PDLIM3: variants seen among roughly 807,000 people sequenced by gnomAD.
The protein encoded by PDLIM3 is PDZ and LIM domain 3.
A neutral mutation model predicts 37.3 loss-of-function variants in PDLIM3; 36 were observed. The observed-to-expected ratio is 0.97, with a 90% confidence interval of 0.74 to 1.28. The LOEUF (loss-of-function observed/expected upper bound fraction) is 1.28, where lower values mean the gene tolerates loss of function less well. Ranked by LOEUF, PDLIM3 falls within the 50% of genes most tolerant of loss-of-function variation. The pLI, the probability that PDLIM3 is intolerant of heterozygous loss-of-function variation, is 0.00. For missense variants in PDLIM3, 454 were observed against 485.0 expected (o/e 0.94, Z 0.60); for synonymous variants, 174 against 182.4 (o/e 0.95, Z 0.37).
At position 185,514,485 on chromosome 4, in the gene PDLIM3, T is replaced by A. The variant is rs1261600032; in HGVS notation, c.331-148A>T. ...AGGCGATGACGGGACCAGGACGATG[T>A]CTTCTTTCCAACCATCTATCCGCTA... On this transcript the variant is annotated intron_variant, in intron 3 of 7. Transcript: ENST00000284767. The surrounding 1 kb of genome is among the most constrained non-coding windows in gnomAD (Gnocchi z 4.0). 26 of 1,504,496 alleles carry A rather than the reference T, an allele frequency of 1.7e-5. No individual in the cohort carries two copies. The highest frequency in any genetic ancestry group is 2.4e-5 in the Non-Finnish European group (26 of 1,101,386). 93.2% of individuals were successfully genotyped at this position (1,504,496 alleles called of 1,614,324 possible).
At chr4:185,505,241 T>C (rs1181722730) in intron 6 of PDLIM3, among the ~76,000 whole-genome samples, 1 of 152,268 alleles carries the variant, frequency 6.6e-6, no homozygotes, top group East Asian at 1.9e-4. Flanking sequence ...ACTATTTCAT[T>C]GTATGTGTAT....
chr4:185,507,677 A>T (rs536037523), intron 5 of PDLIM3, among the ~76,000 whole-genome samples: 1 of 152,212 alleles, frequency 6.6e-6, no homozygotes, highest in Non-Finnish European at 1.5e-5. Flanking sequence ...TGGCAAAAGT[A>T]CTGTGAACAA....
chr4:185,503,224 AAAC>A (rs199557493), intron 7 of PDLIM3, among the ~76,000 whole-genome samples: 1,894 of 90,850 alleles, frequency 0.021, 45 homozygotes, highest in African/African-American at 0.055. Context: ...ACTGTCTCAA[AAAC>A]AACAACAACA....
chr4:185,526,989 A>C lies in PDLIM3; in HGVS notation c.94-1818T>G, dbSNP rs139300767. On this transcript the variant is annotated intron_variant, in intron 1 of 7. Coordinates refer to ENST00000284767, the MANE Select transcript of PDLIM3 (RefSeq NM_014476.6). Reference sequence around the variant, plus strand: ...TTTGTACTTTTATGTTTGTTTATTTACTCGTGTATTGTCTGTCTTCCCAAC... The same window carrying C: ...TTTGTACTTTTATGTTTGTTTATTTCCTCGTGTATTGTCTGTCTTCCCAAC... 1.6e-4 allele frequency among the ~76,000 whole-genome samples: 24 copies of C among 152,050 alleles called. No homozygotes were observed. In the East Asian group the frequency reaches 4.6e-3, roughly 29 times the overall value.
At position 185,514,313 on chromosome 4, in the gene PDLIM3, G is replaced by T; in HGVS notation, c.355C>A (p.His119Asn). 1 of 1,614,186 alleles carries T rather than the reference G, an allele frequency of 6.2e-7. No homozygotes were observed. The change falls in exon 4 of 8, where the codon CAT (histidine) becomes AAT (asparagine). Residue 119 changes from histidine to asparagine, a missense_variant. By Grantham distance (68) the His-to-Asn change is moderately conservative. Transcript: ENST00000284767. This position sits in a 1 kb window ranked among gnomAD's most constrained non-coding sequence, Gnocchi z 4.0. ...PQDGNYFEHKHNIRPKPFVIP... is the reference protein window; with the variant it reads ...PQDGNYFEHKNNIRPKPFVIP... Reference sequence around the variant, plus strand: ...ACGAAAGGTTTGGGCCGAATATTATGCTTGTGTTCAAAGTAGTTCCCGTCC... The same window carrying T: ...ACGAAAGGTTTGGGCCGAATATTATTCTTGTGTTCAAAGTAGTTCCCGTCC...
In PDLIM3 at chr4:185,514,312, T is replaced by C. The variant is rs1447945863; in HGVS notation, c.356A>G (p.His119Arg). The C allele has an allele frequency of 6.2e-7, 1 of 1,614,132 alleles. No individual in the cohort carries two copies. The highest frequency in any genetic ancestry group is 8.5e-7 in the Non-Finnish European group (1 of 1,180,042). The part of the protein sequence containing the change: ...PQDGNYFEHK[H>R]NIRPKPFVIP... ...CACGAAAGGTTTGGGCCGAATATTA[T>C]GCTTGTGTTCAAAGTAGTTCCCGTC... is the stretch of plus-strand genomic sequence containing the variant. The change falls in exon 4 of 8, where the codon CAT becomes CGT. Residue 119 changes from histidine to arginine, a missense_variant. Coordinates refer to ENST00000284767, the MANE Select transcript of PDLIM3 (RefSeq NM_014476.6). This position sits in a 1 kb window ranked among gnomAD's most constrained non-coding sequence, Gnocchi z 4.0.
At chr4:185,527,625 T>C (rs1449321201) in intron 1 of PDLIM3, among the ~76,000 whole-genome samples, 14 of 152,224 alleles carry the variant, frequency 9.2e-5, no homozygotes, top group Admixed American at 9.2e-4. Flanking sequence ...GAACTGTTAG[T>C]AGAACAAAAG....
Position 185,506,629 on chromosome 4 carries a change from G to A in PDLIM3, c.686C>T (p.Pro229Leu). Residue 229 changes from proline (P) to leucine (L), a missense_variant, in exon 6 of 8, where the codon CCC (proline) becomes CTC (leucine). Coordinates refer to ENST00000284767, the MANE Select transcript of PDLIM3 (RefSeq NM_014476.6). Reference protein sequence around the residue: ...LMSEPTASVPPESDVYRMLHD... With the variant: ...LMSEPTASVPLESDVYRMLHD... ...GAGCATCCGGTACACGTCCGACTCG[G>A]GGGGCACCGAGGCTGTGGGCTCGCT... 6.2e-7 allele frequency: 1 copy of A among 1,607,326 alleles called. No homozygotes were observed. Among genetic ancestry groups the A allele is most frequent in the African/African-American group, 1.3e-5 (1 of 75,036 alleles).
chr4:185,508,439 A>G lies in PDLIM3; in HGVS notation c.522T>C (p.Ile174=). Reference sequence around the variant, plus strand: ...CACCAGGAAGTTCCATTTCCAAAGGAATGTTAGGGGCCAGCTTAGCCGCAA... The same window carrying G: ...CACCAGGAAGTTCCATTTCCAAAGGGATGTTAGGGGCCAGCTTAGCCGCAA... ...LKVAAKLAPN[I]PLEMELPGVK... The change falls in exon 5 of 8, where the codon ATT becomes ATC. Residue 174 remains isoleucine, a synonymous_variant. Coordinates refer to ENST00000284767, the MANE Select transcript of PDLIM3 (RefSeq NM_014476.6). 3 of 1,614,202 alleles carry G rather than the reference A, an allele frequency of 1.9e-6. No individual in the cohort carries two copies. Among genetic ancestry groups the G allele is most frequent in the Non-Finnish European group, 2.5e-6 (3 of 1,180,034 alleles).
chr4:185,523,180 C>A, intron 3 of PDLIM3, 182 bp downstream of exon 3: 1 of 573,698 alleles, frequency 1.7e-6, no homozygotes, highest in Non-Finnish European at 3.1e-6. Flanking sequence ...CACATAGGAA[C>A]ACTTCTTTTT....
rs11944325 is a variant in PDLIM3 at position 185,514,289 on chromosome 4, C to T, written c.379G>A (p.Val127Met). The T allele has an allele frequency of 5.1e-3, 8,202 of 1,614,126 alleles. 338 individuals carry two copies. The African/African-American group carries it at 0.093, about 18-fold the overall frequency. ...HKHNIRPKPF[V>M]IPGRSSGCST... ...TATGACCTGCTTCGGCCCGGGATCACGAAAGGTTTGGGCCGAATATTATGC... is the reference window on the plus strand; with the variant it reads ...TATGACCTGCTTCGGCCCGGGATCATGAAAGGTTTGGGCCGAATATTATGC... The change falls in exon 4 of 8, where the codon GTG (valine) becomes ATG (methionine). Residue 127 changes from valine to methionine, a missense_variant. Transcript: ENST00000284767. The surrounding 1 kb of genome is among the most constrained non-coding windows in gnomAD (Gnocchi z 4.0).
chr4:185,533,026 T>G (rs1403083083), intron 1 of PDLIM3, among the ~76,000 whole-genome samples: 1 of 152,172 alleles, frequency 6.6e-6, no homozygotes, highest in Non-Finnish European at 1.5e-5. Flanking sequence ...AGACCTAGCG[T>G]CAGAGCCTGT....
intron 1 of PDLIM3, among the ~76,000 whole-genome samples, chr4:185,526,089 G>A (rs1446248510): frequency 6.6e-6 from 1 of 152,222 alleles, no homozygotes; most frequent in Non-Finnish European, 1.5e-5. Context: ...TTCAAGCAAA[G>A]GCAAGACATG....
chr4:185,502,052 A>G lies in PDLIM3; in HGVS notation c.*242T>C. On this transcript the variant is annotated 3_prime_UTR_variant, in exon 8 of 8. Transcript: ENST00000284767. Reference sequence around the variant, plus strand: ...ATGACATACAAAAAATTATTGCTTTAAATATCATTATTGCTAGCCCCAAAA... The same window carrying G: ...ATGACATACAAAAAATTATTGCTTTGAATATCATTATTGCTAGCCCCAAAA... The G allele has an allele frequency of 7.2e-6, 4 of 552,020 alleles. No individual in the cohort carries two copies. Among genetic ancestry groups the G allele is most frequent in the Non-Finnish European group, 6.5e-6 (2 of 307,130 alleles). The allele number at this position is 552,020 out of a possible 1,614,324, so 34.2% of individuals were successfully genotyped here.
At chr4:185,518,302 C>T (rs1179804853) in intron 3 of PDLIM3, among the ~76,000 whole-genome samples, 3 of 152,176 alleles carry the variant, frequency 2.0e-5, no homozygotes, top group Non-Finnish European at 2.9e-5. Context: ...TGACCTCAGA[C>T]ATGACAGCAG....
chr4:185,504,346 CT>C lies in PDLIM3; in HGVS notation c.905+128del, dbSNP rs931637497. On this transcript the variant is annotated intron_variant, in intron 7 of 7. Transcript: ENST00000284767. This position sits in a 1 kb window ranked among gnomAD's most constrained non-coding sequence, Gnocchi z 4.7. ...TCACAATGTGCTAAATGTTGGGGACCTTACGTTTCAAGTTGATGAATAGAAA... is the reference window on the plus strand; with the variant it reads ...TCACAATGTGCTAAATGTTGGGGACCTACGTTTCAAGTTGATGAATAGAAA... 1 of 742,266 alleles carries C rather than the reference CT, an allele frequency of 1.3e-6. No homozygotes were observed. The highest frequency in any genetic ancestry group is 1.7e-5 in the African/African-American group (1 of 57,732). 46.0% of individuals were successfully genotyped at this position (742,266 alleles called of 1,614,324 possible).
At position 185,508,393 on chromosome 4, in the gene PDLIM3, A is replaced by G. The variant is rs763670084; in HGVS notation, c.568T>C (p.Phe190Leu). 9.9e-6 allele frequency: 16 copies of G among 1,614,128 alleles called. No individual in the cohort carries two copies. The highest frequency in any genetic ancestry group is 1.3e-5 in the African/African-American group (1 of 75,050). ...GAGTACAACTGCATAGGTGTATTAA[A>G]CTGAGCATGTACAATCTTCACACCA... The part of the protein sequence containing the change: ...LPGVKIVHAQ[F>L]NTPMQLYSDD... The change falls in exon 5 of 8, where the codon TTT becomes CTT. Residue 190 changes from phenylalanine to leucine, a missense_variant. Physicochemically the swap from Phe to Leu is conservative, Grantham distance 22 (BLOSUM62 0). Transcript: ENST00000284767.
chr4:185,533,888 T>G (rs1488384004), intron 1 of PDLIM3, among the ~76,000 whole-genome samples: 1 of 152,200 alleles, frequency 6.6e-6, no homozygotes, highest in African/African-American at 2.4e-5. Flanking sequence ...TAAATATGAT[T>G]TATTCTGTGT....
At chr4:185,525,250 C>T in intron 1 of PDLIM3, 79 bp from the exon 2 acceptor site, 2 of 1,382,942 alleles carry the variant, frequency 1.4e-6, no homozygotes. Context: ...TGTGTTTCAG[C>T]CTGGTAACAT....
Sources: allele counts gnomAD v4.1 joint callset (sites outside exome capture counted in the v4.1 genomes callset), GRCh38; gene constraint gnomAD v4.1.1; non-coding constraint Gnocchi (gnomAD v3.1); transcripts MANE v1.5; gene names NCBI Gene and HGNC (gene_info 2026-07-23, HGNC 2026-07-21).